SBNO1: variants seen among roughly 807,000 people sequenced by gnomAD.
SBNO1 encodes protein strawberry notch homolog 1.
In SBNO1, 23 loss-of-function variants were observed where a neutral mutation model predicts 173.6. That is an observed-to-expected ratio of 0.13 (90% CI 0.10 to 0.19). The LOEUF is 0.19. Among genes scored for constraint, SBNO1 ranks in the 10% least tolerant of loss-of-function variants. The pLI is 1.00. For synonymous variants in SBNO1, 632 were observed against 571.5 expected, an observed-to-expected ratio of 1.11 and a Z score of -1.51; for missense variants, 1,238 against 1,671.2, an observed-to-expected ratio of 0.74 and a Z score of 4.52.
At chr12:123,311,209 T>C in intron 24 of SBNO1, 80 bp from the exon 25 acceptor site, 1 of 1,025,614 alleles carries the variant, frequency 9.8e-7, no homozygotes, top group Non-Finnish European at 1.5e-6. Context: ...AAGTATGTTG[T>C]AAGTAGTATC....
intron 15 of SBNO1, among the ~76,000 whole-genome samples, chr12:123,324,630 A>T (rs1318725036): frequency 6.6e-6 from 1 of 151,902 alleles, no homozygotes; most frequent in Non-Finnish European, 1.5e-5. Flanking sequence ...TTTTGAAAGG[A>T]GCATCTGAAT....
chr12:123,326,118 C>CT (rs767671395), intron 14 of SBNO1, 34 bp downstream of exon 14: 18 of 1,514,550 alleles, frequency 1.2e-5, no homozygotes, highest in Non-Finnish European at 1.4e-5. Flanking sequence ...CAACATAACC[C>CT]CCAAACAATC....
intron 4 of SBNO1, among the ~76,000 whole-genome samples, chr12:123,342,531 A>G (rs554090100): frequency 6.6e-6 from 1 of 152,320 alleles, no homozygotes; most frequent in Admixed American, 6.5e-5. Flanking sequence ...GGTACTTACT[A>G]ATTTTCAAGG....
In SBNO1 at chr12:123,289,947, C is replaced by T. The variant is rs917371617; in HGVS notation, c.*5961G>A. 4 of 152,318 alleles carry T rather than the reference C, an allele frequency of 2.6e-5. No homozygotes were observed. Among genetic ancestry groups the T allele is most frequent in the Admixed American group, 6.5e-5 (1 of 15,292 alleles). The allele number at this position is 152,318 out of a possible 1,614,324, so 9.4% of individuals were successfully genotyped here. On this transcript the variant is annotated 3_prime_UTR_variant, in exon 32 of 32. Coordinates refer to ENST00000602398, the MANE Select transcript of SBNO1 (RefSeq NM_001167856.3). ...ACAAATGGGCCACAAGGGCAGGGTA[C>T]TGGTTAGGGGCCCGCAGTGGAAAAG...
At chr12:123,323,073 G>A (rs749910917) in intron 16 of SBNO1, among the ~76,000 whole-genome samples, 5 of 152,208 alleles carry the variant, frequency 3.3e-5, no homozygotes, top group Middle Eastern at 6.8e-3. Context: ...AATGATCTCT[G>A]TCTATAAAAT....
chr12:123,308,717 A>G (rs1224018772), intron 28 of SBNO1, among the ~76,000 whole-genome samples: 1 of 151,076 alleles, frequency 6.6e-6, no homozygotes, highest in Non-Finnish European at 1.5e-5. Flanking sequence ...TCACATCTAT[A>G]ATTCCTTTGG....
chr12:123,298,041 T>C lies in SBNO1; in HGVS notation c.3976A>G (p.Ser1326Gly), dbSNP rs200134948. The change falls in exon 31 of 32, where the codon AGT becomes GGT. Residue 1326 changes from serine to glycine, a missense_variant. Physicochemically the swap from Ser to Gly is moderately conservative, Grantham distance 56. Transcript: ENST00000602398. ...TKVEGVLASV[S>G]GTNVKMQIVR... is the part of the protein sequence containing the mutation. ...ATCTGCATCTTCACGTTTGTGCCAC[T>C]GACAGATGCTAGAACACCCTCAACT... 4.3e-4 allele frequency: 698 copies of C among 1,613,998 alleles called. No homozygotes were observed. Among genetic ancestry groups the C allele is most frequent in the Non-Finnish European group, 5.6e-4 (657 of 1,180,014 alleles).
At chr12:123,337,941 T>G (rs961405724) in intron 5 of SBNO1, among the ~76,000 whole-genome samples, 1 of 152,174 alleles carries the variant, frequency 6.6e-6, no homozygotes, top group Non-Finnish European at 1.5e-5. Context: ...GAAGGATAAG[T>G]TGGTAATACT....
intron 8 of SBNO1, among the ~76,000 whole-genome samples, chr12:123,330,910 G>C (rs1333471260): frequency 6.6e-6 from 1 of 152,126 alleles, no homozygotes; most frequent in Admixed American, 6.5e-5. Flanking sequence ...GGGTGACAAA[G>C]ATCCTGTCTA....
chr12:123,324,984 T>A (rs1566036703), intron 15 of SBNO1, among the ~76,000 whole-genome samples: 1 of 151,832 alleles, frequency 6.6e-6, no homozygotes, highest in South Asian at 2.1e-4. Context: ...TAATTTTTTT[T>A]ATTTTTAGTT....
At chr12:123,323,638 G>C (rs770282680) in intron 16 of SBNO1, 42 bp downstream of exon 16, 1 of 1,508,196 alleles carries the variant, frequency 6.6e-7, no homozygotes, top group Non-Finnish European at 8.9e-7. Flanking sequence ...ACAGGTGTGA[G>C]CCACCGCACC....
intron 20 of SBNO1, 32 bp downstream of exon 20, chr12:123,319,868 T>C (rs1262380767): frequency 6.2e-7 from 1 of 1,603,476 alleles, no homozygotes; most frequent in Non-Finnish European, 8.5e-7. Flanking sequence ...GGCATTGTTC[T>C]TTTCACTGAG....
rs549739245 is a variant in SBNO1, at chr12:123,347,963, G to A, written c.237+66C>T. The A allele has an allele frequency of 5.6e-4, 537 of 965,066 alleles. No homozygotes were observed. The African/African-American group carries it at 6.6e-3, about 12-fold the overall frequency. 59.8% of individuals were successfully genotyped at this position (965,066 alleles called of 1,614,324 possible). ...ACTACAGGTGCGAATCACCACACCC[G>A]GCCATGTTTTCTCACTACACTTCTA... On this transcript the variant is annotated intron_variant, in intron 3 of 31. Transcript: ENST00000602398.
chr12:123,357,864 A>C (rs1299963150), intron 1 of SBNO1, among the ~76,000 whole-genome samples: 1 of 152,242 alleles, frequency 6.6e-6, no homozygotes, highest in African/African-American at 2.4e-5. Flanking sequence ...TGTAGGAAGA[A>C]GATATTTACA....
chr12:123,356,428 T>C (rs1005020021), intron 1 of SBNO1, among the ~76,000 whole-genome samples: 8 of 152,182 alleles, frequency 5.3e-5, no homozygotes, highest in African/African-American at 1.4e-4. Flanking sequence ...ACTTTCATAC[T>C]AGTCTTTGGG....
chr12:123,311,709 T>TA (rs1463924304), intron 24 of SBNO1, among the ~76,000 whole-genome samples: 1 of 63,052 alleles, frequency 1.6e-5, no homozygotes, highest in African/African-American at 5.8e-5. Context: ...TCTATCTATC[T>TA]ATCTATCTAT....
At chr12:123,346,368 A>T (rs1873138655) in intron 3 of SBNO1, among the ~76,000 whole-genome samples, 1 of 152,232 alleles carries the variant, frequency 6.6e-6, no homozygotes, top group South Asian at 2.1e-4. Flanking sequence ...AGTCTTTAAT[A>T]AAGAGTCTAC....
At chr12:123,322,861 C>T (rs964087609) in intron 16 of SBNO1, among the ~76,000 whole-genome samples, 5 of 149,096 alleles carry the variant, frequency 3.4e-5, no homozygotes, top group South Asian at 2.1e-4. Flanking sequence ...GCCTGGGTGA[C>T]GGAGACGGAG....
intron 29 of SBNO1, 135 bp from the exon 30 acceptor site, chr12:123,303,035 G>A: frequency 1.6e-6 from 1 of 642,552 alleles, no homozygotes; most frequent in Admixed American, 2.9e-5. Context: ...GCTATTAACT[G>A]AATCTGAACG....
Sources: allele counts gnomAD v4.1 joint callset (sites outside exome capture counted in the v4.1 genomes callset), GRCh38; gene constraint gnomAD v4.1.1; transcripts MANE v1.5; gene names NCBI Gene and HGNC (gene_info 2026-07-23, HGNC 2026-07-21).